Variants in MBOAT7 observed in about 807,000 individuals in gnomAD.
MBOAT7 encodes the protein membrane bound acylglycerophosphatidylinositol O-acyltransferase MBOAT7, also known as membrane-bound acylglycerophosphatidylinositol O-acyltransferase MBOAT7.
MBOAT7 carries 40 observed loss-of-function variants against 47.4 expected under a neutral mutation model. The observed-to-expected ratio is 0.84, with a 90% CI of 0.66 to 1.10. MBOAT7 has a LOEUF of 1.10. Ranked by LOEUF, MBOAT7 falls within the 50% of genes least tolerant of loss-of-function variation. MBOAT7 has a pLI of 0.00. For missense variants in MBOAT7, 680 were observed against 655.6 expected (o/e 1.04, Z -0.41); for synonymous variants, 361 against 292.0 (o/e 1.24, Z -2.41).
intron 7 of MBOAT7, among the ~76,000 whole-genome samples, chr19:54,177,318 CAG>C (rs1291358751): frequency 1.3e-5 from 2 of 151,918 alleles, no homozygotes; most frequent in African/African-American, 4.8e-5. Flanking sequence ...GTTTTTGAGA[CAG>C]AGTCTCGCTC....
At position 54,180,777 on chromosome 19, in the gene MBOAT7, TG is replaced by T. The variant is rs1382747435; in HGVS notation, c.849del (p.Ser284AlafsTer39). 1 of 1,312,466 alleles carries T rather than the reference TG, an allele frequency of 7.6e-7. No homozygotes were observed. Among genetic ancestry groups the T allele is most frequent in the Non-Finnish European group, 1.0e-6 (1 of 980,394 alleles). The allele number at this position is 1,312,466 out of a possible 1,614,324, so 81.3% of individuals were successfully genotyped here. A position where few individuals can be genotyped will look rare whatever the true frequency, so the allele number is the denominator to read the frequency against. On this transcript the variant is annotated frameshift_variant, in exon 6 of 8. Coordinates refer to ENST00000245615, the MANE Select transcript of MBOAT7 (RefSeq NM_024298.5). LOFTEE classifies it high-confidence loss of function. The surrounding 1 kb of genome is among the most constrained non-coding windows in gnomAD (Gnocchi z 5.2). ...GGGPTLQCPP[P>X]SSPEKAASLE... ...GCCTCCCTCGCGCCGCCTGACCTGC[TG>T]GGGGGTGGGCATTGGAGGGTGGGGC...
chr19:54,187,531 C>T (rs952941874), intron 3 of MBOAT7, among the ~76,000 whole-genome samples: 2 of 152,206 alleles, frequency 1.3e-5, no homozygotes, highest in African/African-American at 2.4e-5. Context: ...AGAGAAGCTT[C>T]GGGTGAAGAC....
In MBOAT7 at chr19:54,188,015, C is replaced by CAAAAAGAA. The variant is rs1491140764; in HGVS notation, c.206+201_206+202insTTCTTTTT. On this transcript the variant is annotated intron_variant, in intron 3 of 7. Transcript: ENST00000245615. ...GGGCAACAGGAGCGAAACTCCATCT[C>CAAAAAGAA]AGAAAGAAAGAAAGAAAGAAAGAAA... 2.7e-3 allele frequency among the ~76,000 whole-genome samples: 209 copies of CAAAAAGAA among 78,380 alleles called. 9 individuals are homozygous for CAAAAAGAA. Among genetic ancestry groups the CAAAAAGAA allele is most frequent in the African/African-American group, 9.2e-3 (172 of 18,778 alleles). The allele number at this position is 78,380 out of a possible 152,430, so 51.4% of individuals were successfully genotyped here. A position where few individuals can be genotyped will look rare whatever the true frequency, so the allele number is the denominator to read the frequency against.
chr19:54,183,771 G>C (rs2076353402), intron 4 of MBOAT7, 91 bp from the exon 5 acceptor site: 2 of 1,325,440 alleles, frequency 1.5e-6, no homozygotes, highest in South Asian at 3.4e-5. Flanking sequence ...CGGCAGCCAA[G>C]GGGTGCTGGG....
chr19:54,176,595 C>A (rs553895790), intron 7 of MBOAT7, among the ~76,000 whole-genome samples: 4 of 152,116 alleles, frequency 2.6e-5, no homozygotes, highest in Non-Finnish European at 5.9e-5. Flanking sequence ...CCCTGGCCCC[C>A]ACCCACGACA....
At position 54,181,069 on chromosome 19, in the gene MBOAT7, G is replaced by C; in HGVS notation, c.558C>G (p.Pro186=). The C allele has an allele frequency of 1.3e-6, 2 of 1,534,250 alleles. No individual in the cohort carries two copies. The highest frequency in any genetic ancestry group is 1.8e-6 in the Non-Finnish European group (2 of 1,140,236). The change falls in exon 6 of 8, where the codon CCC becomes CCG. Residue 186 remains proline, a synonymous_variant. Coordinates refer to ENST00000245615, the MANE Select transcript of MBOAT7 (RefSeq NM_024298.5). The part of the protein sequence containing the change: ...WLEQPFPGAV[P]SLRPLLRRAW... The stretch of plus-strand genomic sequence containing the variant: ...CGCGGCGCAGCAGGGGCCGCAGGCT[G>C]GGCACTGCCCCGGGGAAGGGCTGCT...
chr19:54,186,908 C>T (rs957418661), intron 4 of MBOAT7: 33 of 506,932 alleles, frequency 6.5e-5, no homozygotes, highest in Non-Finnish European at 1.0e-4. Flanking sequence ...TCTGGCACAC[C>T]GCAAGCACCC....
Position 54,188,530 on chromosome 19 carries a change from T to G in MBOAT7, c.-3-19A>C. 6.5e-7 allele frequency: 1 copy of G among 1,549,972 alleles called. No individual in the cohort carries two copies. The highest frequency in any genetic ancestry group is 1.2e-5 in the South Asian group (1 of 83,906). ...ACATGGTCTGGGGGAGGGGCAGAGA[T>G]TCACAGTGAGAACCCAGGAATCCAG... is the stretch of plus-strand genomic sequence containing the variant. On this transcript the variant is annotated intron_variant, in intron 1 of 7. Coordinates refer to ENST00000245615, the MANE Select transcript of MBOAT7 (RefSeq NM_024298.5).
rs1555842646 is a variant in MBOAT7 at position 54,188,073 on chromosome 19, A to AGAAAG, written c.206+143_206+144insCTTTC. The AGAAAG allele has an allele frequency of 1.7e-3, 1,106 of 633,976 alleles. 47 individuals are homozygous for AGAAAG. The highest frequency in any genetic ancestry group is 3.4e-3 in the Middle Eastern group (7 of 2,054). 39.3% of individuals were successfully genotyped at this position (633,976 alleles called of 1,614,324 possible). A position where few individuals can be genotyped will look rare whatever the true frequency, so the allele number is the denominator to read the frequency against. On this transcript the variant is annotated intron_variant, in intron 3 of 7. Coordinates refer to ENST00000245615, the MANE Select transcript of MBOAT7 (RefSeq NM_024298.5). ...AGAAAGAAAGAAAGAAAGAAAGACA[A>AGAAAG]ACAAACAAACATGAAACAGAGAAAT... is the stretch of plus-strand genomic sequence containing the variant.
chr19:54,182,727 G>A (rs1004663934), intron 5 of MBOAT7, among the ~76,000 whole-genome samples: 3 of 152,058 alleles, frequency 2.0e-5, no homozygotes, highest in Admixed American at 6.6e-5. Context: ...TTGAGATGGA[G>A]TCTTGCTCTG....
At position 54,188,281 on chromosome 19, in the gene MBOAT7, G is replaced by A. The variant is rs1174400234; in HGVS notation, c.142C>T (p.Pro48Ser). The A allele has an allele frequency of 1.2e-6, 2 of 1,613,876 alleles. No homozygotes were observed. Among genetic ancestry groups the A allele is most frequent in the African/African-American group, 2.7e-5 (2 of 74,874 alleles). The change falls in exon 3 of 8, where the codon CCC (proline) becomes TCC (serine). Residue 48 changes from proline (P) to serine (S), a missense_variant. Coordinates refer to ENST00000245615, the MANE Select transcript of MBOAT7 (RefSeq NM_024298.5). ...GTGACCAGAGAATGCAAAGTGTGGG[G>A]GCCACAGGTGAACAGGGTGAGCCCC... is the stretch of plus-strand genomic sequence containing the variant. The part of the protein sequence containing the change: ...GLGLTLFTCG[P>S]HTLHSLVTIL...
rs1452355555 is a variant in MBOAT7 at position 54,189,426 on chromosome 19, C to T, written c.-92G>A. Reference sequence around the variant, plus strand: ...GCCACGCCTCCCCCGCCCAGCGCGCCCCCGCGCCGCCTGCTCCTTCTGGGC... The same window carrying T: ...GCCACGCCTCCCCCGCCCAGCGCGCTCCCGCGCCGCCTGCTCCTTCTGGGC... On this transcript the variant is annotated 5_prime_UTR_variant, in exon 1 of 8. Coordinates refer to ENST00000245615, the MANE Select transcript of MBOAT7 (RefSeq NM_024298.5). The T allele has an allele frequency of 6.5e-6, 1 of 152,926 alleles. No homozygotes were observed. The highest frequency in any genetic ancestry group is 2.4e-5 in the African/African-American group (1 of 41,458). 9.5% of individuals were successfully genotyped at this position (152,926 alleles called of 1,614,324 possible). A position where few individuals can be genotyped will look rare whatever the true frequency, so the allele number is the denominator to read the frequency against.
rs542729679 is a variant in MBOAT7, at chr19:54,173,886, C to T, written c.*158G>A. On this transcript the variant is annotated 3_prime_UTR_variant, in exon 8 of 8. Transcript: ENST00000245615. ...CTCTGGGCAGAGGGCAGGGAGGACA[C>T]CCCCGGGTCTGCTTCAGTTGCAGGC... 2.5e-3 allele frequency: 2,238 copies of T among 880,468 alleles called. 2 individuals are homozygous for T. Among genetic ancestry groups the T allele is most frequent in the Non-Finnish European group, 3.4e-3 (2,030 of 603,126 alleles). The allele number at this position is 880,468 out of a possible 1,614,324, so 54.5% of individuals were successfully genotyped here. A position where few individuals can be genotyped will look rare whatever the true frequency, so the allele number is the denominator to read the frequency against.
At chr19:54,183,124 C>T (rs965678810) in intron 5 of MBOAT7, among the ~76,000 whole-genome samples, 2 of 152,274 alleles carry the variant, frequency 1.3e-5, no homozygotes, top group East Asian at 1.9e-4. Flanking sequence ...CCTCAGCCTC[C>T]GAAAGTGCTA....
chr19:54,176,691 C>A (rs1026260784), intron 7 of MBOAT7, among the ~76,000 whole-genome samples: 1 of 152,124 alleles, frequency 6.6e-6, no homozygotes, highest in Non-Finnish European at 1.5e-5. Flanking sequence ...ACAGTTGCCC[C>A]CAGTTGAGAA....
At chr19:54,178,677 GC>G in intron 7 of MBOAT7, 87 bp downstream of exon 7, 1 of 1,530,678 alleles carries the variant, frequency 6.5e-7, no homozygotes. Flanking sequence ...GGGGGCAGGG[GC>G]CCAGCCAGGG....
chr19:54,175,219 C>A (rs925126918), intron 7 of MBOAT7, among the ~76,000 whole-genome samples: 1 of 152,182 alleles, frequency 6.6e-6, no homozygotes, highest in Non-Finnish European at 1.5e-5. Flanking sequence ...ACCTCGTGAT[C>A]TGCCCGCCTT....
chr19:54,181,469 A>T (rs966129529), intron 5 of MBOAT7, among the ~76,000 whole-genome samples: 2 of 151,678 alleles, frequency 1.3e-5, no homozygotes, highest in African/African-American at 4.8e-5. Context: ...CAGCCTGGGC[A>T]AAACGGCAAG....
chr19:54,178,289 A>T, intron 7 of MBOAT7: 1 of 1,001,492 alleles, frequency 1.0e-6, no homozygotes, highest in Non-Finnish European at 1.2e-6. Context: ...AAGAATGAAA[A>T]ACAATAAAAA....
Sources: gnomAD v4.1 joint callset for allele counts (sites outside exome capture counted in the v4.1 genomes callset) on GRCh38, gnomAD v4.1.1 for gene constraint, Gnocchi (gnomAD v3.1) non-coding constraint, MANE v1.5 for transcripts, NCBI Gene and HGNC (gene_info 2026-07-23, HGNC 2026-07-21) for gene names.